NBN: variants seen among roughly 807,000 people sequenced by gnomAD.
NBN encodes Nijmegen breakage syndrome 1 (nibrin).
In NBN, 88 loss-of-function variants were observed where a neutral mutation model predicts 90.8. The observed-to-expected ratio is 0.97, with a 90% confidence interval of 0.82 to 1.16. The LOEUF (loss-of-function observed/expected upper bound fraction) is 1.16. Among genes scored for constraint, NBN ranks in the 50% most tolerant of loss-of-function variants. NBN has a pLI of 0.00. For missense variants in NBN, 894 were observed against 869.6 expected, an observed-to-expected ratio of 1.03 and a Z score of -0.35; for synonymous variants, 328 against 295.1, an observed-to-expected ratio of 1.11 and a Z score of -1.14.
In NBN at chr8:89,955,272, C is replaced by T; in HGVS notation, c.1397+11G>A. On this transcript the variant is annotated intron_variant, in intron 10 of 15. Coordinates refer to ENST00000265433, the MANE Select transcript of NBN (RefSeq NM_002485.5). ...TTTTCAGAGACATGAGAGAAGTTAT[C>T]AAAAACAGACCTTTTTTTGGTAGAC... is the stretch of plus-strand genomic sequence containing the variant. The T allele has an allele frequency of 6.2e-7, 1 of 1,612,836 alleles. No homozygotes were observed. The highest frequency in any genetic ancestry group is 8.5e-7 in the Non-Finnish European group (1 of 1,179,206).
At chr8:89,955,775 C>A (rs998965097) in intron 9 of NBN, among the ~76,000 whole-genome samples, 3 of 152,090 alleles carry the variant, frequency 2.0e-5, no homozygotes, top group Non-Finnish European at 2.9e-5. Flanking sequence ...CCCCCTACAG[C>A]ACATATTGTT....
intron 5 of NBN, among the ~76,000 whole-genome samples, chr8:89,973,166 G>C (rs1438274795): frequency 1.3e-5 from 2 of 152,058 alleles, no homozygotes; most frequent in Non-Finnish European, 2.9e-5. Context: ...AACTTTTTTT[G>C]GCTCATCATT....
Position 89,980,848 on chromosome 8 carries a change from G to A in NBN, c.366C>T (p.Val122=), listed in dbSNP as rs748684665. 7 of 1,612,104 alleles carry A rather than the reference G, an allele frequency of 4.3e-6. No individual in the cohort carries two copies. The Admixed American group carries it at 1.2e-4, about 27-fold the overall frequency. ...PLVACSSCLD[V]SGKTALNQAI... ...CTTGATTTAAAGCAGTTTTCCCAGA[G>A]ACATCTAAACAAGAAGAGCATGCAA... Residue 122 remains valine (V), a synonymous_variant, in exon 4 of 16, where the codon GTC becomes GTT. Transcript: ENST00000265433.
intron 2 of NBN, 116 bp downstream of exon 2, chr8:89,982,606 A>G (rs1812121590): frequency 2.1e-6 from 2 of 955,958 alleles, no homozygotes; most frequent in African/African-American, 3.2e-5. Context: ...AAAAAAGTCT[A>G]CACAGCTCTA....
At chr8:89,978,921 G>T (rs934300511) in intron 4 of NBN, among the ~76,000 whole-genome samples, 66 of 152,148 alleles carry the variant, frequency 4.3e-4, no homozygotes, top group African/African-American at 1.1e-3. Context: ...CAAAAAATAT[G>T]ACAAACATTA....
chr8:89,951,988 C>A (rs1413516512), intron 11 of NBN, among the ~76,000 whole-genome samples: 1 of 152,118 alleles, frequency 6.6e-6, no homozygotes, highest in Non-Finnish European at 1.5e-5. Context: ...GAGAAAGCTC[C>A]TTAGAAAACA....
rs551072809 is a variant in NBN at position 89,947,462 on chromosome 8, T to C, written c.1914+362A>G. 8.5e-5 allele frequency among the ~76,000 whole-genome samples: 13 copies of C among 152,118 alleles called. No individual in the cohort carries two copies. In the East Asian group the frequency reaches 2.3e-3, roughly 27 times the overall value. ...CTGACCAACATAGAGAAACCCCGTC[T>C]CTATTAAAAATTCAAAATTAGTCGG... On this transcript the variant is annotated intron_variant, in intron 12 of 15. Coordinates refer to ENST00000265433, the MANE Select transcript of NBN (RefSeq NM_002485.5).
At chr8:89,975,755 C>T (rs745726253) in intron 5 of NBN, among the ~76,000 whole-genome samples, 2 of 152,080 alleles carry the variant, frequency 1.3e-5, no homozygotes, top group African/African-American at 2.4e-5. Flanking sequence ...GAGGAATCAA[C>T]GACTAATTCT....
rs780602705 is a variant in NBN at position 89,955,507 on chromosome 8, T to C, written c.1173A>G (p.Gln391=). 9 of 1,613,654 alleles carry C rather than the reference T, an allele frequency of 5.6e-6. No individual in the cohort carries two copies. The highest frequency in any genetic ancestry group is 1.1e-5 in the South Asian group (1 of 91,052). ...CATCTTGTGAAAGCATTCTGAATTT[T>C]TGTTCCATTTTGGAGACTTTGATTT... ...PKEIKVSKME[Q]KFRMLSQDAP... Residue 391 remains glutamine, a synonymous_variant, in exon 10 of 16, where the codon CAA becomes CAG. Transcript: ENST00000265433.
intron 8 of NBN, among the ~76,000 whole-genome samples, chr8:89,960,345 C>T (rs1810931793): frequency 6.6e-6 from 1 of 152,112 alleles, no homozygotes; most frequent in African/African-American, 2.4e-5. Context: ...TATAAATGTT[C>T]ATATCATCAC....
At chr8:89,958,341 G>C (rs1409497239) in intron 9 of NBN, among the ~76,000 whole-genome samples, 1 of 152,180 alleles carries the variant, frequency 6.6e-6, no homozygotes, top group Non-Finnish European at 1.5e-5. Flanking sequence ...ATACCATGTA[G>C]GTTTATGTCA....
chr8:89,948,022 T>A (rs1206394850), intron 11 of NBN, 130 bp from the exon 12 acceptor site: 1 of 548,464 alleles, frequency 1.8e-6, no homozygotes, highest in African/African-American at 1.9e-5. Flanking sequence ...ATATTCATGT[T>A]ATGTATGACC....
At chr8:89,947,767 T>G in intron 12 of NBN, 57 bp downstream of exon 12, 304 of 928,054 alleles carry the variant, frequency 3.3e-4, no homozygotes, top group Non-Finnish European at 4.9e-4. Context: ...CAAAAATTGA[T>G]GAGATGACAG....
chr8:89,981,335 C>A lies in NBN; in HGVS notation c.320+40G>T, dbSNP rs749797574. Reference sequence around the variant, plus strand: ...ATTTTCCTTTAGGATTTGGCTGAAACAAAGCTGTCCATTTTAAAATCAATT... The same window carrying A: ...ATTTTCCTTTAGGATTTGGCTGAAAAAAAGCTGTCCATTTTAAAATCAATT... On this transcript the variant is annotated intron_variant, in intron 3 of 15. Coordinates refer to ENST00000265433, the MANE Select transcript of NBN (RefSeq NM_002485.5). The A allele has an allele frequency of 1.0e-5, 16 of 1,586,894 alleles. No individual in the cohort carries two copies. Among genetic ancestry groups the A allele is most frequent in the Non-Finnish European group, 1.3e-5 (15 of 1,155,876 alleles).
intron 1 of NBN, among the ~76,000 whole-genome samples, chr8:89,983,609 T>C (rs1812178887): frequency 6.6e-6 from 1 of 152,228 alleles, no homozygotes; most frequent in Non-Finnish European, 1.5e-5. Flanking sequence ...TTTGTTTTTA[T>C]CTTAAAGATA....
Position 89,951,094 on chromosome 8 carries a change from C to T in NBN, c.1845+2150G>A, listed in dbSNP as rs1328711680. ...TTGGGAGGCCGAAGTGGGTGGATCA[C>T]GAGGTCAGGAGATTGAGATCATCCT... On this transcript the variant is annotated intron_variant, in intron 11 of 15. Coordinates refer to ENST00000265433, the MANE Select transcript of NBN (RefSeq NM_002485.5). Among the ~76,000 whole-genome samples, 4 of 151,894 alleles carry T rather than the reference C, an allele frequency of 2.6e-5. No homozygotes were observed. In the East Asian group the frequency reaches 5.8e-4, roughly 22 times the overall value.
At chr8:89,942,430 C>A (rs1324883424) in intron 14 of NBN, among the ~76,000 whole-genome samples, 3 of 152,068 alleles carry the variant, frequency 2.0e-5, no homozygotes, top group Non-Finnish European at 1.5e-5. Flanking sequence ...CTCAAGAAAA[C>A]CCTACAGATC....
intron 13 of NBN, among the ~76,000 whole-genome samples, chr8:89,944,378 A>G (rs1379924833): frequency 6.6e-6 from 1 of 152,104 alleles, no homozygotes; most frequent in Admixed American, 6.6e-5. Context: ...ATTTTTATAC[A>G]TCTCTGGAAT....
chr8:89,933,517 G>A lies in NBN; in HGVS notation c.*2065C>T, dbSNP rs1408182338. On this transcript the variant is annotated 3_prime_UTR_variant, in exon 16 of 16. Transcript: ENST00000265433. ...AATTGATTTTTTACTAATTGGCAAGGTAATTTAATGAGGAAAGGATAATTC... is the reference window on the plus strand; with the variant it reads ...AATTGATTTTTTACTAATTGGCAAGATAATTTAATGAGGAAAGGATAATTC... 2 of 230,440 alleles carry A rather than the reference G, an allele frequency of 8.7e-6. No individual in the cohort carries two copies. The highest frequency in any genetic ancestry group is 1.7e-5 in the Non-Finnish European group (2 of 116,562). The allele number at this position is 230,440 out of a possible 1,614,324, so 14.3% of individuals were successfully genotyped here.
Sources: allele counts gnomAD v4.1 joint callset (sites outside exome capture counted in the v4.1 genomes callset), GRCh38; gene constraint gnomAD v4.1.1; transcripts MANE v1.5; gene names NCBI Gene and HGNC (gene_info 2026-07-23, HGNC 2026-07-21).